FMN2: variants seen among roughly 807,000 people sequenced by gnomAD.
FMN2 encodes the protein formin-2.
In FMN2, 51 loss-of-function variants were observed where a neutral mutation model predicts 142.3. The observed-to-expected ratio is 0.36, with a 90% CI of 0.29 to 0.45. The LOEUF (loss-of-function observed/expected upper bound fraction) is 0.45. Among genes scored for constraint, FMN2 ranks in the 20% least tolerant of loss-of-function variants. The pLI is 1.00. For synonymous variants in FMN2, 882 were observed against 869.8 expected, an observed-to-expected ratio of 1.01 and a Z score of -0.25; for missense variants, 1,936 against 2,122.8, an observed-to-expected ratio of 0.91 and a Z score of 1.73.
At chr1:240,245,084 AG>A (rs1161432920) in intron 6 of FMN2, among the ~76,000 whole-genome samples, 9 of 152,218 alleles carry the variant, frequency 5.9e-5, no homozygotes, top group African/African-American at 2.2e-4. Flanking sequence ...AAAAGAGTAA[AG>A]AAGTGGCTCC....
intron 8 of FMN2, among the ~76,000 whole-genome samples, chr1:240,303,914 AT>A (rs1670288936): frequency 6.6e-6 from 1 of 152,028 alleles, no homozygotes; most frequent in Non-Finnish European, 1.5e-5. Flanking sequence ...TCATGGATTC[AT>A]TCTTTTGCTT....
Position 240,329,078 on chromosome 1 carries a change from A to G in FMN2, c.4218A>G (p.Arg1406=), listed in dbSNP as rs150401752. 47 of 1,613,980 alleles carry G rather than the reference A, an allele frequency of 2.9e-5. No homozygotes were observed. The highest frequency in any genetic ancestry group is 4.0e-5 in the Non-Finnish European group (47 of 1,179,942). Residue 1406 remains arginine, a splice_region_variant and synonymous_variant, in exon 9 of 18, where the codon AGA becomes AGG. Coordinates refer to ENST00000319653, the MANE Select transcript of FMN2 (RefSeq NM_020066.5). ...CTATTTGGTTTTTGTTTTTCTAGAG[A>G]GCACAGTCAGACGAACTCGAAAAAA... is the stretch of plus-strand genomic sequence containing the variant. The part of the protein sequence containing the change: ...LETLQALYEN[R]AQSDELEKIE...
chr1:240,157,717 CATAAT>C (rs1035563708), intron 2 of FMN2, among the ~76,000 whole-genome samples: 2 of 152,046 alleles, frequency 1.3e-5, no homozygotes, highest in Admixed American at 6.6e-5. Flanking sequence ...AAAATTATCT[CATAAT>C]ATCCCCATTT....
rs766875636 is a variant in FMN2 at position 240,092,260 on chromosome 1, G to T, written c.151G>T (p.Gly51Trp). ...GAAGGCGCTAGGCAAGCACGGCAAG[G>T]GGGGAGGGGGCGGCGGCGGCGGCGG... ...GKKALGKHGK[G>W]GGGGGGGGES... Residue 51 changes from glycine (G) to tryptophan (W), a missense_variant, in exon 1 of 18, where the codon GGG (glycine) becomes TGG (tryptophan). Physicochemically the swap from Gly to Trp is radical, Grantham distance 184. Coordinates refer to ENST00000319653, the MANE Select transcript of FMN2 (RefSeq NM_020066.5). 3.7e-5 allele frequency: 50 copies of T among 1,354,458 alleles called. No individual in the cohort carries two copies. The highest frequency in any genetic ancestry group is 4.8e-5 in the Non-Finnish European group (47 of 987,914). 83.9% of individuals were successfully genotyped at this position (1,354,458 alleles called of 1,614,324 possible). A position where few individuals can be genotyped will look rare whatever the true frequency, so the allele number is the denominator to read the frequency against.
Position 240,294,815 on chromosome 1 carries a change from T to TC in FMN2, c.4154-5dup. The TC allele has an allele frequency of 2.5e-6, 4 of 1,613,906 alleles. No homozygotes were observed. The highest frequency in any genetic ancestry group is 2.2e-5 in the South Asian group (2 of 91,084). On this transcript the variant is annotated splice_polypyrimidine_tract_variant and splice_region_variant and intron_variant, in intron 7 of 17. Transcript: ENST00000319653. ...TGGCAATTTATATTCTTCTTTTTTTTCCACAGCTGTTGTGAACTTGGATAA... is the reference window on the plus strand; with the variant it reads ...TGGCAATTTATATTCTTCTTTTTTTTCCCACAGCTGTTGTGAACTTGGATAA...
chr1:240,219,552 T>C, intron 6 of FMN2, among the ~76,000 whole-genome samples: 1 of 152,282 alleles, frequency 6.6e-6, no homozygotes, highest in South Asian at 2.1e-4. Context: ...AAGTTCTTAT[T>C]TGTGTCTTTA....
At chr1:240,447,796 G>A (rs1223054151) in intron 16 of FMN2, among the ~76,000 whole-genome samples, 1 of 152,122 alleles carries the variant, frequency 6.6e-6, no homozygotes, top group East Asian at 1.9e-4. Flanking sequence ...TGGTTTTAGA[G>A]GAGTGCACAA....
chr1:240,412,536 G>A (rs1007319548), intron 15 of FMN2, among the ~76,000 whole-genome samples: 2 of 152,118 alleles, frequency 1.3e-5, no homozygotes, highest in African/African-American at 4.8e-5. Context: ...GCCTTGTAGG[G>A]TAGACAATTA....
rs550841875 is a variant in FMN2, at chr1:240,244,043, T to A, written c.4066-13902T>A. On this transcript the variant is annotated intron_variant, in intron 6 of 17. Coordinates refer to ENST00000319653, the MANE Select transcript of FMN2 (RefSeq NM_020066.5). ...TTGAGAAACAACAGTTTTCACATTC[T>A]GAGGTTCTGCTTTGAAATTTACCTT... Among the ~76,000 whole-genome samples the A allele has an allele frequency of 3.9e-5, 6 of 152,332 alleles. No individual in the cohort carries two copies. The South Asian group carries it at 1.2e-3, about 32-fold the overall frequency.
chr1:240,188,920 A>C (rs1298380105), intron 4 of FMN2, among the ~76,000 whole-genome samples: 1 of 151,872 alleles, frequency 6.6e-6, no homozygotes, highest in Non-Finnish European at 1.5e-5. Context: ...GTGCAGAGAA[A>C]CTCCCATTTT....
chr1:240,366,452 C>T (rs1275287861), intron 14 of FMN2, among the ~76,000 whole-genome samples: 1 of 151,820 alleles, frequency 6.6e-6, no homozygotes, highest in East Asian at 1.9e-4. Flanking sequence ...GAAATTCTTT[C>T]ATGTTTTTGC....
At chr1:240,447,975 A>G (rs1675884344) in intron 16 of FMN2, among the ~76,000 whole-genome samples, 1 of 152,220 alleles carries the variant, frequency 6.6e-6, no homozygotes, top group South Asian at 2.1e-4. Context: ...ACAGTTGAAC[A>G]TACTGACAAC....
intron 6 of FMN2, among the ~76,000 whole-genome samples, 184 bp downstream of exon 6, chr1:240,211,419 A>T (rs906261952): frequency 6.6e-6 from 1 of 152,212 alleles, no homozygotes; most frequent in Non-Finnish European, 1.5e-5. Flanking sequence ...ACAACACATA[A>T]TTATCTCCAT....
intron 8 of FMN2, among the ~76,000 whole-genome samples, chr1:240,305,274 ATTTCT>A (rs2102978829): frequency 6.6e-6 from 1 of 152,274 alleles, no homozygotes; most frequent in African/African-American, 2.4e-5. Context: ...GTATTTAATC[ATTTCT>A]TTTCATTTAA....
intron 4 of FMN2, among the ~76,000 whole-genome samples, chr1:240,202,270 A>G (rs529599287): frequency 7.9e-5 from 12 of 152,304 alleles, no homozygotes; most frequent in South Asian, 2.1e-4. Context: ...ACTGGGTATC[A>G]TGTGTAATGA....
chr1:240,257,876 T>C, intron 6 of FMN2, 69 bp from the exon 7 acceptor site: 1 of 1,291,380 alleles, frequency 7.7e-7, no homozygotes, highest in East Asian at 2.3e-5. Context: ...TTTAGGATTT[T>C]TTAAAATGCT....
intron 6 of FMN2, among the ~76,000 whole-genome samples, chr1:240,255,354 C>T (rs996806348): frequency 4.6e-5 from 7 of 152,148 alleles, no homozygotes; most frequent in Non-Finnish European, 8.8e-5. Context: ...TCTTGAAACT[C>T]CCCTCTAACT....
intron 3 of FMN2, 134 bp downstream of exon 3, chr1:240,178,202 T>C: frequency 9.5e-7 from 1 of 1,055,416 alleles, no homozygotes; most frequent in Non-Finnish European, 1.3e-6. Flanking sequence ...CAAAAAGTTT[T>C]TACTTTGGGG....
chr1:240,091,963 C>T lies in FMN2; in HGVS notation c.-147C>T. 3 of 1,310,852 alleles carry T rather than the reference C, an allele frequency of 2.3e-6. No individual in the cohort carries two copies. The highest frequency in any genetic ancestry group is 1.9e-5 in the South Asian group (1 of 53,896). 81.2% of individuals were successfully genotyped at this position (1,310,852 alleles called of 1,614,324 possible). ...GGCGGCAGATGCGAGCGGGGCCAGC[C>T]GGGCGCGCGTCGGCCTCCCCTCCCA... On this transcript the variant is annotated 5_prime_UTR_variant, in exon 1 of 18. Transcript: ENST00000319653.
Sources: gnomAD v4.1 joint callset for allele counts (sites outside exome capture counted in the v4.1 genomes callset) on GRCh38, gnomAD v4.1.1 for gene constraint, MANE v1.5 for transcripts, NCBI Gene and HGNC (gene_info 2026-07-23, HGNC 2026-07-21) for gene names.